RASIP1: variants seen among roughly 807,000 people sequenced by gnomAD.
RASIP1 encodes the protein ras-interacting protein 1.
Under a neutral mutation model 85.3 loss-of-function variants are expected in RASIP1, and 20 were observed. The observed-to-expected ratio is 0.23, with a 90% CI of 0.17 to 0.34. RASIP1 has a LOEUF of 0.34. Ranked by LOEUF, RASIP1 falls within the 10% of genes least tolerant of loss-of-function variation. RASIP1 has a pLI of 1.00. For synonymous variants in RASIP1, 617 were observed against 647.1 expected (o/e 0.95, Z 0.71); for missense variants, 1,170 against 1,390.9 (o/e 0.84, Z 2.53).
In RASIP1 at chr19:48,727,079, C is replaced by T. The variant is rs867531377; in HGVS notation, c.1951G>A (p.Ala651Thr). ...AAGCTAAGCAGCTCCGTGGTGTTGGCCATCCACAGCATGAGTGGCCGCAGC... is the reference window on the plus strand; with the variant it reads ...AAGCTAAGCAGCTCCGTGGTGTTGGTCATCCACAGCATGAGTGGCCGCAGC... ...VELRPLMLWM[A>T]NTTELLSFVQ... The change falls in exon 7 of 12, where the codon GCC becomes ACC. Residue 651 changes from alanine (A) to threonine (T), a missense_variant. Physicochemically the swap from Ala to Thr is moderately conservative, Grantham distance 58 (BLOSUM62 0). Coordinates refer to ENST00000222145, the MANE Select transcript of RASIP1 (RefSeq NM_017805.3). The T allele has an allele frequency of 6.2e-7, 1 of 1,614,222 alleles. No homozygotes were observed. The highest frequency in any genetic ancestry group is 8.5e-7 in the Non-Finnish European group (1 of 1,180,054).
rs539389939 is a variant in RASIP1, at chr19:48,724,796, G to A, written c.2292C>T (p.His764=). ...CAAAAGTCTGAGACACGAGGTCAGG[G>A]TGCAGCTCGCACTGGCTGGTCAGCT... ...ALELTSQCEL[H]PDLVSQTFGY... is the part of the protein sequence containing the mutation. Residue 764 remains histidine (H), a synonymous_variant, in exon 9 of 12, where the codon CAC becomes CAT. Coordinates refer to ENST00000222145, the MANE Select transcript of RASIP1 (RefSeq NM_017805.3). This position sits in a 1 kb window ranked among gnomAD's most constrained non-coding sequence, Gnocchi z 4.6. 405 of 1,614,224 alleles carry A rather than the reference G, an allele frequency of 2.5e-4. 11 individuals carry two copies. In the South Asian group the frequency reaches 4.2e-3, roughly 17 times the overall value.
At chr19:48,732,518 T>C (rs1407080988) in intron 4 of RASIP1, among the ~76,000 whole-genome samples, 3 of 151,832 alleles carry the variant, frequency 2.0e-5, no homozygotes, top group Non-Finnish European at 2.9e-5. Flanking sequence ...CCTCCCAAAG[T>C]GCTGAGATTA....
chr19:48,739,500 C>T lies in RASIP1; in HGVS notation c.283G>A (p.Gly95Ser), dbSNP rs1292118325. 4.0e-6 allele frequency: 6 copies of T among 1,510,438 alleles called. No homozygotes were observed. The highest frequency in any genetic ancestry group is 4.4e-6 in the Non-Finnish European group (5 of 1,135,594). The allele number at this position is 1,510,438 out of a possible 1,614,324, so 93.6% of individuals were successfully genotyped here. ...GACCCCGTGGTCCCGGTCCCCGAGC[C>T]CCGGAAGAGCTGGGAGATGCGCTTG... Reference protein sequence around the residue: ...RAKRISQLFRGSGTGTTGSSG... With the variant: ...RAKRISQLFRSSGTGTTGSSG... The change falls in exon 3 of 12, where the codon GGC (glycine) becomes AGC (serine). Residue 95 changes from glycine (G) to serine (S), a missense_variant. By Grantham distance (56) the Gly-to-Ser change is moderately conservative (BLOSUM62 0). Coordinates refer to ENST00000222145, the MANE Select transcript of RASIP1 (RefSeq NM_017805.3). The surrounding 1 kb of genome is among the most constrained non-coding windows in gnomAD (Gnocchi z 9.2).
At chr19:48,723,048 G>A (rs2033277790) in intron 10 of RASIP1, among the ~76,000 whole-genome samples, 1 of 152,042 alleles carries the variant, frequency 6.6e-6, no homozygotes, top group Non-Finnish European at 1.5e-5. Flanking sequence ...TCCACACCTG[G>A]CTAATTTTTA....
chr19:48,734,289 C>T (rs913096268), intron 4 of RASIP1, among the ~76,000 whole-genome samples: 5 of 150,338 alleles, frequency 3.3e-5, no homozygotes, highest in Non-Finnish European at 5.9e-5. Flanking sequence ...AGAGAGACTC[C>T]GACAAAAAAA....
chr19:48,724,701 C>T lies in RASIP1; in HGVS notation c.2371+16G>A. On this transcript the variant is annotated intron_variant, in intron 9 of 11. Coordinates refer to ENST00000222145, the MANE Select transcript of RASIP1 (RefSeq NM_017805.3). The surrounding 1 kb of genome is among the most constrained non-coding windows in gnomAD (Gnocchi z 4.6). ...TCCTGTCTTTGCCTCCCTGACAGCT[C>T]CCAGCCAACCTTCACCTCGTTCCAT... 3 of 1,613,756 alleles carry T rather than the reference C, an allele frequency of 1.9e-6. No individual in the cohort carries two copies. The highest frequency in any genetic ancestry group is 2.5e-6 in the Non-Finnish European group (3 of 1,179,770).
intron 8 of RASIP1, among the ~76,000 whole-genome samples, chr19:48,726,162 C>T (rs577714090): frequency 5.3e-5 from 8 of 152,110 alleles, no homozygotes; most frequent in East Asian, 3.9e-4. Flanking sequence ...CCTGACCTCG[C>T]GGTCTGCCCA....
chr19:48,729,030 C>G lies in RASIP1; in HGVS notation c.1740G>C (p.Ala580=). 2.1e-6 allele frequency: 3 copies of G among 1,417,230 alleles called. No individual in the cohort carries two copies. Among genetic ancestry groups the G allele is most frequent in the Non-Finnish European group, 2.7e-6 (3 of 1,094,382 alleles). 87.8% of individuals were successfully genotyped at this position (1,417,230 alleles called of 1,614,324 possible). A position where few individuals can be genotyped will look rare whatever the true frequency, so the allele number is the denominator to read the frequency against. The change falls in exon 5 of 12, where the codon GCG becomes GCC. Residue 580 remains alanine, a synonymous_variant. Coordinates refer to ENST00000222145, the MANE Select transcript of RASIP1 (RefSeq NM_017805.3). The part of the protein sequence containing the change: ...LPPLGPATLL[A]LCVQHSAREL... ...CACGGGCGGAATGCTGCACGCACAGCGCCAGCAGCGTGGCGGGCCCGAGGG... is the reference window on the plus strand; with the variant it reads ...CACGGGCGGAATGCTGCACGCACAGGGCCAGCAGCGTGGCGGGCCCGAGGG...
Position 48,721,945 on chromosome 19 carries a change from G to A in RASIP1, c.2601C>T (p.His867=), listed in dbSNP as rs762799883. The part of the protein sequence containing the change: ...DHPTLTPAQL[H]HLLSHYQLGP... ...CCAGCTGATAGTGGCTGAGCAGATG[G>A]TGCAGCTGGGCGGGGGTCAAGGTGG... The change falls in exon 11 of 12, where the codon CAC becomes CAT. Residue 867 remains histidine, a synonymous_variant. Coordinates refer to ENST00000222145, the MANE Select transcript of RASIP1 (RefSeq NM_017805.3). The A allele has an allele frequency of 6.4e-7, 1 of 1,565,148 alleles. No individual in the cohort carries two copies. Among genetic ancestry groups the A allele is most frequent in the Non-Finnish European group, 8.7e-7 (1 of 1,153,882 alleles).
In RASIP1 at chr19:48,739,312, C is replaced by G. The variant is rs1372691508; in HGVS notation, c.471G>C (p.Ser157=). Residue 157 remains serine (S), a synonymous_variant, in exon 3 of 12, where the codon TCG becomes TCC. Transcript: ENST00000222145. The surrounding 1 kb of genome is among the most constrained non-coding windows in gnomAD (Gnocchi z 9.2). ...VLKIFGAGLA[S]GANYKSVLAT... is the part of the protein sequence containing the mutation. The stretch of plus-strand genomic sequence containing the variant: ...CCAGCACGCTCTTGTAGTTGGCGCC[C>G]GATGCCAGTCCGGCGCCGAAGATCT... 2.2e-5 allele frequency: 31 copies of G among 1,394,180 alleles called. No individual in the cohort carries two copies. Among genetic ancestry groups the G allele is most frequent in the Non-Finnish European group, 2.7e-5 (29 of 1,079,060 alleles). 86.4% of individuals were successfully genotyped at this position (1,394,180 alleles called of 1,614,324 possible). A position where few individuals can be genotyped will look rare whatever the true frequency, so the allele number is the denominator to read the frequency against.
chr19:48,724,822 C>G lies in RASIP1; in HGVS notation c.2266G>C (p.Glu756Gln). The change falls in exon 9 of 12, where the codon GAG (glutamate) becomes CAG (glutamine). Residue 756 changes from glutamate to glutamine, a missense_variant. By Grantham distance (29) the Glu-to-Gln change is conservative (BLOSUM62 2). This residue lies in a region of RASIP1 where 426 missense variants were observed against 576.2 expected (regional missense o/e 0.74). Coordinates refer to ENST00000222145, the MANE Select transcript of RASIP1 (RefSeq NM_017805.3). The surrounding 1 kb of genome is among the most constrained non-coding windows in gnomAD (Gnocchi z 4.6). Reference protein sequence around the residue: ...PTLGVFQAALELTSQCELHPD... With the variant: ...PTLGVFQAALQLTSQCELHPD... ...TGCAGCTCGCACTGGCTGGTCAGCTCCAAGGCTGCCTGGAACACGCCCAGG... is the reference window on the plus strand; with the variant it reads ...TGCAGCTCGCACTGGCTGGTCAGCTGCAAGGCTGCCTGGAACACGCCCAGG... 1.2e-6 allele frequency: 2 copies of G among 1,614,238 alleles called. No homozygotes were observed. The highest frequency in any genetic ancestry group is 1.3e-5 in the African/African-American group (1 of 75,058).
chr19:48,731,639 C>T (rs2033460256), intron 4 of RASIP1, among the ~76,000 whole-genome samples: 1 of 152,174 alleles, frequency 6.6e-6, no homozygotes, highest in East Asian at 1.9e-4. Context: ...CCCTTCCATT[C>T]GCCAACCATG....
At chr19:48,729,980 G>A (rs1191040132) in intron 4 of RASIP1, among the ~76,000 whole-genome samples, 1 of 151,962 alleles carries the variant, frequency 6.6e-6, no homozygotes, top group African/African-American at 2.4e-5. Flanking sequence ...CTCCCGAAGT[G>A]CTGGGATTAC....
Position 48,729,120 on chromosome 19 carries a change from G to C in RASIP1, c.1650C>G (p.Arg550=), listed in dbSNP as rs2033398149. Residue 550 remains arginine (R), a synonymous_variant, in exon 5 of 12, where the codon CGC becomes CGG. Coordinates refer to ENST00000222145, the MANE Select transcript of RASIP1 (RefSeq NM_017805.3). ...GREPVLRFRP[R]EEEALLGEIV... is the part of the protein sequence containing the mutation. The stretch of plus-strand genomic sequence containing the variant: ...TCTCGCCCAGCAGCGCCTCCTCCTC[G>C]CGCGGCCGGAAGCGCAGGACTGGCT... The C allele has an allele frequency of 2.2e-6, 3 of 1,364,566 alleles. No individual in the cohort carries two copies. The highest frequency in any genetic ancestry group is 1.6e-5 in the South Asian group (1 of 63,716). 84.5% of individuals were successfully genotyped at this position (1,364,566 alleles called of 1,614,324 possible).
At chr19:48,728,622 G>A (rs2033384732) in intron 5 of RASIP1, among the ~76,000 whole-genome samples, 1 of 152,182 alleles carries the variant, frequency 6.6e-6, no homozygotes, top group Non-Finnish European at 1.5e-5. Context: ...AAATTAGCCG[G>A]GCGTGCTGGC....
intron 6 of RASIP1, 68 bp from the exon 7 acceptor site, chr19:48,727,226 T>C: frequency 6.3e-7 from 1 of 1,593,732 alleles, no homozygotes; most frequent in South Asian, 1.1e-5. Context: ...CCCCAAGATC[T>C]AAGTCTAAGT....
chr19:48,729,678 A>G, intron 4 of RASIP1, 88 bp from the exon 5 acceptor site: 5 of 1,035,120 alleles, frequency 4.8e-6, no homozygotes, highest in Non-Finnish European at 6.7e-6. Flanking sequence ...CAACTTTTCT[A>G]TTCCCACCAA....
rs2033621802 is a variant in RASIP1 at position 48,738,941 on chromosome 19, A to G, written c.823+19T>C. 2.1e-5 allele frequency: 25 copies of G among 1,168,902 alleles called. No individual in the cohort carries two copies. The highest frequency in any genetic ancestry group is 1.2e-4 in the East Asian group (3 of 25,468). 72.4% of individuals were successfully genotyped at this position (1,168,902 alleles called of 1,614,324 possible). ...CTCTGGCACCGAGTCCCCGCCCCAG[A>G]GCCCCGCCCGCCGCTCACCTTCGCT... On this transcript the variant is annotated intron_variant, in intron 3 of 11. Coordinates refer to ENST00000222145, the MANE Select transcript of RASIP1 (RefSeq NM_017805.3). The surrounding 1 kb of genome is among the most constrained non-coding windows in gnomAD (Gnocchi z 4.0).
At chr19:48,727,333 C>G in intron 6 of RASIP1, 60 bp downstream of exon 6, 1 of 1,585,670 alleles carries the variant, frequency 6.3e-7, no homozygotes, top group Non-Finnish European at 8.6e-7. Context: ...GAACACAGAA[C>G]TAGACGCAAA....
Sources: gnomAD v4.1 joint callset for allele counts (sites outside exome capture counted in the v4.1 genomes callset) on GRCh38, gnomAD v4.1.1 for gene constraint, gnomAD v4.1.1 regional missense constraint, Gnocchi (gnomAD v3.1) non-coding constraint, MANE v1.5 for transcripts, NCBI Gene and HGNC (gene_info 2026-07-23, HGNC 2026-07-21) for gene names.